OR1J2: variants seen among roughly 807,000 people sequenced by gnomAD.
The protein encoded by OR1J2 is olfactory receptor 1J2.
For missense variants in OR1J2, 304 were observed against 246.1 expected, an observed-to-expected ratio of 1.24 and a Z score of -1.57; for synonymous variants, 142 against 99.7, an observed-to-expected ratio of 1.42 and a Z score of -2.52.
chr9:122,515,952 T>C (rs1451703069), downstream of OR1J2, among the ~76,000 whole-genome samples: 1 of 152,166 alleles, frequency 6.6e-6, no homozygotes, highest in East Asian at 1.9e-4. Context: ...GTTTGTTCCC[T>C]AGAGGTCTTT....
the OR1J2 span, among the ~76,000 whole-genome samples, chr9:122,492,653 C>T: frequency 3.3e-5 from 5 of 152,064 alleles, no homozygotes; most frequent in African/African-American, 4.8e-5. Flanking sequence ...GCAGCCTCAC[C>T]GACATTTATT....
At chr9:122,511,796 G>T, downstream of OR1J2, 1 of 767,196 alleles carries the variant, frequency 1.3e-6, no homozygotes, top group South Asian at 1.4e-5. Flanking sequence ...TCATGTATTT[G>T]ATTTTCCATT....
chr9:122,568,768 T>C, the OR1J2 span: 87,293 of 285,432 alleles, frequency 0.31, 15,949 homozygotes, highest in East Asian at 0.82. Flanking sequence ...TATTTCCTAT[T>C]CTGTGAAAAG....
chr9:122,492,715 G>C, the OR1J2 span, among the ~76,000 whole-genome samples: 1 of 152,054 alleles, frequency 6.6e-6, no homozygotes, highest in Non-Finnish European at 1.5e-5. Context: ...TCTCTTGTCT[G>C]ATTGCTCTGG....
At chr9:122,464,308 C>T in the OR1J2 span, among the ~76,000 whole-genome samples, 2 of 152,206 alleles carry the variant, frequency 1.3e-5, no homozygotes, top group African/African-American at 4.8e-5. Context: ...CTCCCCCGCC[C>T]CCACCGCCCG....
chr9:122,520,173 G>A, the OR1J2 span: 10 of 862,684 alleles, frequency 1.2e-5, no homozygotes, highest in South Asian at 1.9e-5. Context: ...TAAGTGCTCA[G>A]TAACTCTCTG....
At chr9:122,514,165 C>T (rs766680905), downstream of OR1J2, among the ~76,000 whole-genome samples, 5 of 152,134 alleles carry the variant, frequency 3.3e-5, no homozygotes, top group Middle Eastern at 3.4e-3. Context: ...GTTTGACATT[C>T]GTGGGGTGCA....
the OR1J2 span, chr9:122,554,016 TA>T: frequency 6.2e-7 from 1 of 1,613,882 alleles, no homozygotes; most frequent in Non-Finnish European, 8.5e-7. Context: ...TCCATCAACT[TA>T]CTCTACAGAG....
chr9:122,563,184 A>T, the OR1J2 span, among the ~76,000 whole-genome samples: 4,379 of 149,398 alleles, frequency 0.029, 193 homozygotes, highest in African/African-American at 0.097. Context: ...AGCATTTGTT[A>T]TTTTTTTTTT....
At chr9:122,477,935 C>T in the OR1J2 span, 1 of 1,569,012 alleles carries the variant, frequency 6.4e-7, no homozygotes, top group South Asian at 1.2e-5. Flanking sequence ...ATGTTTATAT[C>T]AGCTGGAGGG....
the OR1J2 span, among the ~76,000 whole-genome samples, chr9:122,494,870 A>G: frequency 6.6e-6 from 1 of 152,180 alleles, no homozygotes; most frequent in Non-Finnish European, 1.5e-5. Context: ...ATCTTGTAGT[A>G]CTGACTTGGT....
chr9:122,534,473 G>C, the OR1J2 span, among the ~76,000 whole-genome samples: 1 of 152,146 alleles, frequency 6.6e-6, no homozygotes, highest in Non-Finnish European at 1.5e-5. Flanking sequence ...TAAAGAAAAA[G>C]AGCATTAACC....
At chr9:122,529,709 A>T in the OR1J2 span, among the ~76,000 whole-genome samples, 1 of 152,178 alleles carries the variant, frequency 6.6e-6, no homozygotes, top group Non-Finnish European at 1.5e-5. Context: ...GGGTTCTTCC[A>T]GAAACTTGGG....
At chr9:122,450,247 G>A in the OR1J2 span, among the ~76,000 whole-genome samples, 17 of 152,122 alleles carry the variant, frequency 1.1e-4, no homozygotes, top group Non-Finnish European at 2.2e-4. Context: ...CCTAGGCAAC[G>A]TGGCGAAACT....
the OR1J2 span, among the ~76,000 whole-genome samples, chr9:122,580,400 A>G: frequency 6.6e-6 from 1 of 152,186 alleles, no homozygotes; most frequent in East Asian, 1.9e-4. Flanking sequence ...GCCAATGATC[A>G]TTTACAAATA....
At chr9:122,564,574 A>G in the OR1J2 span, among the ~76,000 whole-genome samples, 1 of 152,218 alleles carries the variant, frequency 6.6e-6, no homozygotes, top group Non-Finnish European at 1.5e-5. Context: ...ATCCCTGCTT[A>G]ACTTTCCTAT....
the OR1J2 span, among the ~76,000 whole-genome samples, chr9:122,577,785 C>T: frequency 1.3e-5 from 2 of 152,258 alleles, no homozygotes; most frequent in African/African-American, 4.8e-5. Flanking sequence ...GAAAGTGGTA[C>T]AAACATATCT....
At chr9:122,476,811 T>C in the OR1J2 span, 12 of 568,246 alleles carry the variant, frequency 2.1e-5, no homozygotes, top group South Asian at 2.6e-4. Flanking sequence ...GTTCAAGTGA[T>C]TCTTCTGCCT....
the OR1J2 span, among the ~76,000 whole-genome samples, chr9:122,472,678 A>G: frequency 5.3e-5 from 8 of 152,244 alleles, no homozygotes; most frequent in Non-Finnish European, 8.8e-5. Context: ...TGGTAGAACA[A>G]TCTTTCCACA....
Sources: gnomAD v4.1 joint callset for allele counts (sites outside exome capture counted in the v4.1 genomes callset) on GRCh38, gnomAD v4.1.1 for gene constraint, MANE v1.5 for transcripts, NCBI Gene and HGNC (gene_info 2026-07-23, HGNC 2026-07-21) for gene names.